RWDD4: variants seen among roughly 807,000 people sequenced by gnomAD.
The protein encoded by RWDD4 is RWD domain-containing protein 4.
RWDD4 carries 16 observed loss-of-function variants against 30.0 expected under a neutral mutation model. That is an observed-to-expected ratio of 0.53 (90% CI 0.36 to 0.81). The LOEUF (loss-of-function observed/expected upper bound fraction) is 0.81. RWDD4 is among the 30% of genes least tolerant of loss of function. The pLI is 0.00. For synonymous variants in RWDD4, 45 were observed against 72.1 expected, an observed-to-expected ratio of 0.62 and a Z score of 1.90; for missense variants, 170 against 223.9, an observed-to-expected ratio of 0.76 and a Z score of 1.54.
intron 2 of RWDD4, 73 bp downstream of exon 2, chr4:183,655,808 A>C: frequency 3.5e-6 from 3 of 858,810 alleles, no homozygotes. Flanking sequence ...TTAAAAAACA[A>C]AATAAGCATT....
rs1353062560 is a variant in RWDD4 at position 183,642,253 on chromosome 4, G to T, written c.535-785C>A. On this transcript the variant is annotated intron_variant, in intron 7 of 7. Coordinates refer to ENST00000326397, the MANE Select transcript of RWDD4 (RefSeq NM_152682.4). ...CGCCCAGGCTGGAGTGCAGTGGCGC[G>T]ATCTCGGCTCACTGCAAGCTCCGCC... 1.6e-5 allele frequency among the ~76,000 whole-genome samples: 2 copies of T among 124,394 alleles called. 1 individual carries two copies. Among genetic ancestry groups the T allele is most frequent in the African/African-American group, 7.3e-5 (2 of 27,338 alleles). The allele number at this position is 124,394 out of a possible 152,430, so 81.6% of individuals were successfully genotyped here. A position where few individuals can be genotyped will look rare whatever the true frequency, so the allele number is the denominator to read the frequency against.
chr4:183,647,188 A>G (rs1340311171), intron 5 of RWDD4, among the ~76,000 whole-genome samples: 1 of 152,212 alleles, frequency 6.6e-6, no homozygotes, highest in Admixed American at 6.5e-5. Flanking sequence ...AGCTTAACAA[A>G]TATTATCTAA....
intron 1 of RWDD4, among the ~76,000 whole-genome samples, chr4:183,658,687 A>T (rs66957868): frequency 0.11 from 16,495 of 152,300 alleles, 1,180 homozygotes; most frequent in Middle Eastern, 0.17. Flanking sequence ...CCCTGTTATT[A>T]AGTAACCAGG....
chr4:183,643,445 A>AAAAAAAAAAAAAAAAAAAAAAAAAAC (rs1733908392), intron 7 of RWDD4, among the ~76,000 whole-genome samples: 1 of 134,642 alleles, frequency 7.4e-6, no homozygotes, highest in Non-Finnish European at 1.6e-5. Context: ...AAAAAAAAAA[A>AAAAAAAAAAAAAAAAAAAAAAAAAAC]AAGCATTTAA....
rs1228515335 is a variant in RWDD4, at chr4:183,659,128, C to A, written c.-176G>T. 3 of 442,550 alleles carry A rather than the reference C, an allele frequency of 6.8e-6. No homozygotes were observed. The highest frequency in any genetic ancestry group is 1.1e-5 in the Non-Finnish European group (3 of 267,882). The allele number at this position is 442,550 out of a possible 1,614,324, so 27.4% of individuals were successfully genotyped here. A position where few individuals can be genotyped will look rare whatever the true frequency, so the allele number is the denominator to read the frequency against. The stretch of plus-strand genomic sequence containing the variant: ...GCCCCGAGCCTCGGCAGCGCCCAGC[C>A]GCCGGCAGTGGGCTGTGGGCTACGA... On this transcript the variant is annotated 5_prime_UTR_variant, in exon 1 of 8. Coordinates refer to ENST00000326397, the MANE Select transcript of RWDD4 (RefSeq NM_152682.4).
intron 7 of RWDD4, among the ~76,000 whole-genome samples, chr4:183,642,379 C>CG (rs1460353277): frequency 1.1e-5 from 1 of 87,386 alleles, no homozygotes; most frequent in African/African-American, 7.4e-5. Context: ...TTAGTAGAGA[C>CG]GGGGTTTCAC....
rs150243516 is a variant in RWDD4 at position 183,654,325 on chromosome 4, T to C, written c.105+1556A>G. ...TTAAATGCTTCAGAGTGCCAACTAG[T>C]ACTGTTGGAGGACTCATGGTGGAGT... On this transcript the variant is annotated intron_variant, in intron 2 of 7. Coordinates refer to ENST00000326397, the MANE Select transcript of RWDD4 (RefSeq NM_152682.4). 1.3e-3 allele frequency among the ~76,000 whole-genome samples: 201 copies of C among 152,238 alleles called. 1 individual carries two copies. The highest frequency in any genetic ancestry group is 3.7e-3 in the African/African-American group (153 of 41,528).
intron 7 of RWDD4, 25 bp from the exon 8 acceptor site, chr4:183,641,493 T>C: frequency 2.5e-6 from 4 of 1,574,698 alleles, no homozygotes; most frequent in Non-Finnish European, 3.5e-6. Context: ...GAGAAAATAG[T>C]CAACAAGTGG....
chr4:183,640,716 TAAGA>T lies in RWDD4; in HGVS notation c.*716_*719del, dbSNP rs1417512263. 1 of 68,618 alleles carries T rather than the reference TAAGA, an allele frequency of 1.5e-5. No individual in the cohort carries two copies. Among genetic ancestry groups the T allele is most frequent in the African/African-American group, 5.9e-5 (1 of 16,946 alleles). 4.3% of individuals were successfully genotyped at this position (68,618 alleles called of 1,614,324 possible). A position where few individuals can be genotyped will look rare whatever the true frequency, so the allele number is the denominator to read the frequency against. ...CCTGGTATATGCAAGAGAAATGTTTTAAGAAAGGGCCAGCATTTCTTACTAAAAT... is the reference window on the plus strand; with the variant it reads ...CCTGGTATATGCAAGAGAAATGTTTTAAGGGCCAGCATTTCTTACTAAAAT... On this transcript the variant is annotated 3_prime_UTR_variant, in exon 8 of 8. Coordinates refer to ENST00000326397, the MANE Select transcript of RWDD4 (RefSeq NM_152682.4).
At chr4:183,648,709 G>C (rs1292495946) in intron 5 of RWDD4, among the ~76,000 whole-genome samples, 1 of 152,064 alleles carries the variant, frequency 6.6e-6, no homozygotes, top group Non-Finnish European at 1.5e-5. Flanking sequence ...ACATGTTAGA[G>C]CTCCAGGTAG....
intron 2 of RWDD4, among the ~76,000 whole-genome samples, chr4:183,652,332 T>C (rs1289102124): frequency 6.6e-6 from 1 of 150,762 alleles, no homozygotes; most frequent in Non-Finnish European, 1.5e-5. Context: ...CTGCTTTAAT[T>C]TACAACAGTC....
chr4:183,655,551 T>A (rs1734176237), intron 2 of RWDD4, among the ~76,000 whole-genome samples: 1 of 152,182 alleles, frequency 6.6e-6, no homozygotes, highest in South Asian at 2.1e-4. Flanking sequence ...CCCAAAGTGC[T>A]GGGATTACAG....
intron 1 of RWDD4, among the ~76,000 whole-genome samples, chr4:183,657,283 G>A (rs1203600408): frequency 6.6e-6 from 1 of 152,144 alleles, no homozygotes; most frequent in East Asian, 1.9e-4. Flanking sequence ...ATTCAAGCCG[G>A]ATTCAAGAAT....
intron 4 of RWDD4, among the ~76,000 whole-genome samples, chr4:183,650,323 G>T (rs1356264882): frequency 6.6e-6 from 1 of 152,158 alleles, no homozygotes; most frequent in African/African-American, 2.4e-5. Flanking sequence ...TTGGGGTTCT[G>T]TGTCCTGTTG....
chr4:183,650,916 C>A, intron 4 of RWDD4, 68 bp downstream of exon 4: 1 of 1,532,842 alleles, frequency 6.5e-7, no homozygotes, highest in Non-Finnish European at 8.9e-7. Flanking sequence ...TTAAGTAGTA[C>A]AAATTTATTG....
At position 183,658,902 on chromosome 4, in the gene RWDD4, G is replaced by C. The variant is rs1281700035; in HGVS notation, c.24+27C>G. 6.1e-5 allele frequency: 76 copies of C among 1,252,456 alleles called. No homozygotes were observed. The East Asian group carries it at 2.2e-3, about 37-fold the overall frequency. 77.6% of individuals were successfully genotyped at this position (1,252,456 alleles called of 1,614,324 possible). Reference sequence around the variant, plus strand: ...GGGCTGCGCGCCGCGCCCGCGCTGGGAGAGGGCCCTGAGCCGGGGGGCTCA... The same window carrying C: ...GGGCTGCGCGCCGCGCCCGCGCTGGCAGAGGGCCCTGAGCCGGGGGGCTCA... On this transcript the variant is annotated intron_variant, in intron 1 of 7. Coordinates refer to ENST00000326397, the MANE Select transcript of RWDD4 (RefSeq NM_152682.4).
intron 2 of RWDD4, 59 bp from the exon 3 acceptor site, chr4:183,651,386 T>G: frequency 8.2e-7 from 1 of 1,221,188 alleles, no homozygotes; most frequent in South Asian, 1.3e-5. Context: ...GAAAACTAAA[T>G]TATAATCTTC....
chr4:183,639,763 A>T lies in RWDD4; in HGVS notation c.*1673T>A, dbSNP rs1228258827. 1 of 152,646 alleles carries T rather than the reference A, an allele frequency of 6.6e-6. No individual in the cohort carries two copies. The highest frequency in any genetic ancestry group is 2.1e-4 in the South Asian group (1 of 4,832). 9.5% of individuals were successfully genotyped at this position (152,646 alleles called of 1,614,324 possible). A position where few individuals can be genotyped will look rare whatever the true frequency, so the allele number is the denominator to read the frequency against. On this transcript the variant is annotated 3_prime_UTR_variant, in exon 8 of 8. Transcript: ENST00000326397. ...ACGGCAATATTGATGAGGCTGTTCA[A>T]GTGTTTTACATAAGGTAATAAGAGG...
chr4:183,657,137 T>C (rs1468180520), intron 1 of RWDD4, among the ~76,000 whole-genome samples: 1 of 152,092 alleles, frequency 6.6e-6, no homozygotes, highest in East Asian at 1.9e-4. Context: ...AAACAAGATA[T>C]ACCCTTCTTA....
Sources: allele counts gnomAD v4.1 joint callset (sites outside exome capture counted in the v4.1 genomes callset), GRCh38; gene constraint gnomAD v4.1.1; transcripts MANE v1.5; gene names NCBI Gene and HGNC (gene_info 2026-07-23, HGNC 2026-07-21).